CSNK1A1: variants seen among roughly 807,000 people sequenced by gnomAD.
The protein encoded by CSNK1A1 is casein kinase I isoform alpha.
Under a neutral mutation model 46.1 loss-of-function variants are expected in CSNK1A1, and 7 were observed. That is an observed-to-expected ratio of 0.15 (90% CI 0.09 to 0.29). The LOEUF (loss-of-function observed/expected upper bound fraction) is 0.29. Among genes scored for constraint, CSNK1A1 ranks in the 10% least tolerant of loss-of-function variants. The pLI is 1.00. For missense variants in CSNK1A1, 96 were observed against 417.1 expected (o/e 0.23, Z 6.71); for synonymous variants, 137 against 141.5 (o/e 0.97, Z 0.23).
intron 2 of CSNK1A1, among the ~76,000 whole-genome samples, chr5:149,528,289 G>A (rs1159166606): frequency 6.6e-6 from 1 of 152,104 alleles, no homozygotes; most frequent in Non-Finnish European, 1.5e-5. Flanking sequence ...GCGTCTCAAA[G>A]GCATTTTACC....
intron 3 of CSNK1A1, among the ~76,000 whole-genome samples, chr5:149,523,241 T>C (rs1288074999): frequency 6.6e-6 from 1 of 152,156 alleles, no homozygotes; most frequent in Non-Finnish European, 1.5e-5. Flanking sequence ...GGTTTCACTA[T>C]GTTGGCCAGG....
chr5:149,503,911 G>A (rs114004152), intron 9 of CSNK1A1: 15,898 of 985,284 alleles, frequency 0.016, 130 homozygotes, highest in Non-Finnish European at 0.018. Context: ...GCTAGCTTTC[G>A]GCAAAATTGG....
rs11478467 is a variant in CSNK1A1, at chr5:149,550,513, T to TA, written c.123+328dup. Among the ~76,000 whole-genome samples, 461 of 144,320 alleles carry TA rather than the reference T, an allele frequency of 3.2e-3. 1 individual carries two copies. The highest frequency in any genetic ancestry group is 0.011 in the Middle Eastern group (3 of 280). The allele number at this position is 144,320 out of a possible 152,430, so 94.7% of individuals were successfully genotyped here. On this transcript the variant is annotated intron_variant, in intron 1 of 9. Coordinates refer to ENST00000377843, the MANE Select transcript of CSNK1A1 (RefSeq NM_001892.6). The surrounding 1 kb of genome is among the most constrained non-coding windows in gnomAD (Gnocchi z 4.3). The stretch of plus-strand genomic sequence containing the variant: ...CAAGAGGCCCAGTAGAATTAAGAAT[T>TA]AAAAAAAAAAAAACATGGGAATCAC...
At position 149,520,270 on chromosome 5, in the gene CSNK1A1, G is replaced by T; in HGVS notation, c.456+20C>A. On this transcript the variant is annotated intron_variant, in intron 4 of 9. Coordinates refer to ENST00000377843, the MANE Select transcript of CSNK1A1 (RefSeq NM_001892.6). ...GAAACTTTACTCTTTGTTCTTTCAT[G>T]CAAAGAGCATTTGACTAACCTTATT... 3 of 1,423,536 alleles carry T rather than the reference G, an allele frequency of 2.1e-6. No homozygotes were observed. Among genetic ancestry groups the T allele is most frequent in the Non-Finnish European group, 2.9e-6 (3 of 1,018,528 alleles). 88.2% of individuals were successfully genotyped at this position (1,423,536 alleles called of 1,614,324 possible). A position where few individuals can be genotyped will look rare whatever the true frequency, so the allele number is the denominator to read the frequency against.
rs1760749301 is a variant in CSNK1A1, at chr5:149,499,304, A to AG, written c.1007-2445_1007-2444insC. ...TGAATCCCTTTATTCCTTAAAAAAA[A>AG]AGGGGAGGGGGAGGGGGGAGTTAAA... is the stretch of plus-strand genomic sequence containing the variant. On this transcript the variant is annotated intron_variant, in intron 9 of 9. Transcript: ENST00000377843. 7.6e-6 allele frequency: 5 copies of AG among 658,546 alleles called. No homozygotes were observed. In the African/African-American group the frequency reaches 1.2e-4, roughly 15 times the overall value. The allele number at this position is 658,546 out of a possible 1,614,324, so 40.8% of individuals were successfully genotyped here.
intron 2 of CSNK1A1, among the ~76,000 whole-genome samples, chr5:149,530,321 C>A (rs1761854681): frequency 6.6e-6 from 1 of 152,192 alleles, no homozygotes; most frequent in African/African-American, 2.4e-5. Context: ...ACACTCCCTG[C>A]ACTCCAAGTG....
chr5:149,498,767 A>G (rs191402768), intron 9 of CSNK1A1: 3 of 985,282 alleles, frequency 3.0e-6, no homozygotes, highest in East Asian at 2.3e-4. Flanking sequence ...TGAATATACC[A>G]AATGGCTTTC....
chr5:149,506,397 C>T (rs978968120), intron 8 of CSNK1A1, among the ~76,000 whole-genome samples: 24 of 151,946 alleles, frequency 1.6e-4, no homozygotes, highest in African/African-American at 5.6e-4. Flanking sequence ...CCACCTCACC[C>T]GGCTAATTTT....
chr5:149,510,730 G>A (rs1302175236), intron 6 of CSNK1A1, among the ~76,000 whole-genome samples: 2 of 151,902 alleles, frequency 1.3e-5, no homozygotes, highest in African/African-American at 4.8e-5. Flanking sequence ...CCGCCTGGCT[G>A]GGCCTCCCAA....
Position 149,494,636 on chromosome 5 carries a change from T to A in CSNK1A1, c.*2217A>T, listed in dbSNP as rs983808582. The A allele has an allele frequency of 6.6e-6, 1 of 152,254 alleles. No homozygotes were observed. Among genetic ancestry groups the A allele is most frequent in the Non-Finnish European group, 1.5e-5 (1 of 68,046 alleles). 9.4% of individuals were successfully genotyped at this position (152,254 alleles called of 1,614,324 possible). A position where few individuals can be genotyped will look rare whatever the true frequency, so the allele number is the denominator to read the frequency against. On this transcript the variant is annotated 3_prime_UTR_variant, in exon 10 of 10. Coordinates refer to ENST00000377843, the MANE Select transcript of CSNK1A1 (RefSeq NM_001892.6). ...TAACAGGATTAGTAACAGCATTCAC[T>A]GAATTTCACACTCTTCTTTTGTGAA... is the stretch of plus-strand genomic sequence containing the variant.
At chr5:149,546,634 A>C (rs1301610384) in intron 2 of CSNK1A1, among the ~76,000 whole-genome samples, 1 of 151,532 alleles carries the variant, frequency 6.6e-6, no homozygotes, top group Non-Finnish European at 1.5e-5. Context: ...TCCATGTCAA[A>C]AAAAAAAAAA....
chr5:149,502,391 A>G, intron 9 of CSNK1A1: 1 of 808,312 alleles, frequency 1.2e-6, no homozygotes, highest in Non-Finnish European at 1.5e-6. Flanking sequence ...CCCAGGCTGG[A>G]GTGCAGTGGC....
chr5:149,505,247 A>G (rs1760986551), intron 9 of CSNK1A1, 200 bp downstream of exon 9: 2 of 1,360,208 alleles, frequency 1.5e-6, no homozygotes, highest in Non-Finnish European at 1.9e-6. Context: ...ATACAAATAC[A>G]TATACATATA....
At position 149,550,044 on chromosome 5, in the gene CSNK1A1, A is replaced by AGC. The variant is rs780877579; in HGVS notation, c.230+29_230+30dup. On this transcript the variant is annotated intron_variant, in intron 2 of 9. Coordinates refer to ENST00000377843, the MANE Select transcript of CSNK1A1 (RefSeq NM_001892.6). This position sits in a 1 kb window ranked among gnomAD's most constrained non-coding sequence, Gnocchi z 4.3. ...CACTTCCCCATTCCGTGCTTCCCTC[A>AGC]GCGGATCGCCTATATGCACCGGGTT... 6.7e-5 allele frequency: 107 copies of AGC among 1,604,506 alleles called. No homozygotes were observed. In the East Asian group the frequency reaches 2.4e-3, roughly 36 times the overall value.
intron 2 of CSNK1A1, among the ~76,000 whole-genome samples, chr5:149,536,952 G>A (rs1242653478): frequency 6.6e-6 from 1 of 152,152 alleles, no homozygotes; most frequent in Non-Finnish European, 1.5e-5. Context: ...TCTGCTCACT[G>A]GTCAAAGATT....
At chr5:149,530,309 A>T (rs1444737714) in intron 2 of CSNK1A1, among the ~76,000 whole-genome samples, 2 of 152,038 alleles carry the variant, frequency 1.3e-5, no homozygotes, top group Non-Finnish European at 2.9e-5. Flanking sequence ...AGAAATGCAA[A>T]AACACTCCCT....
intron 2 of CSNK1A1, among the ~76,000 whole-genome samples, chr5:149,536,975 C>T (rs550933044): frequency 1.3e-5 from 2 of 152,112 alleles, no homozygotes; most frequent in Non-Finnish European, 2.9e-5. Flanking sequence ...TAATATAACC[C>T]TATTTATTTA....
chr5:149,519,272 TA>T, intron 4 of CSNK1A1, among the ~76,000 whole-genome samples: 1 of 152,066 alleles, frequency 6.6e-6, no homozygotes, highest in Non-Finnish European at 1.5e-5. Context: ...CAAACAAAGG[TA>T]AACATTTATA....
chr5:149,506,750 C>T (rs1434461218), intron 8 of CSNK1A1, among the ~76,000 whole-genome samples: 2 of 152,170 alleles, frequency 1.3e-5, no homozygotes, highest in Admixed American at 6.5e-5. Flanking sequence ...AAGGCACTGA[C>T]AGCCACTTAT....
Sources: gnomAD v4.1 joint callset for allele counts (sites outside exome capture counted in the v4.1 genomes callset) on GRCh38, gnomAD v4.1.1 for gene constraint, Gnocchi (gnomAD v3.1) non-coding constraint, MANE v1.5 for transcripts, NCBI Gene and HGNC (gene_info 2026-07-23, HGNC 2026-07-21) for gene names.